COTL1: variants seen among roughly 807,000 people sequenced by gnomAD.
COTL1 encodes coactosin-like protein.
A neutral mutation model predicts 16.5 loss-of-function variants in COTL1; 15 were observed. The ratio of observed to expected loss-of-function variants is 0.91; its 90% CI spans 0.61 to 1.40. The LOEUF is 1.40. COTL1 is among the 40% of genes most tolerant of loss of function. COTL1 has a pLI of 0.00. For synonymous variants in COTL1, 112 were observed against 85.3 expected, an observed-to-expected ratio of 1.31 and a Z score of -1.73; for missense variants, 220 against 201.5, an observed-to-expected ratio of 1.09 and a Z score of -0.56.
At chr16:84,593,119 GC>G (rs1435913777) in intron 2 of COTL1, among the ~76,000 whole-genome samples, 1 of 152,244 alleles carries the variant, frequency 6.6e-6, no homozygotes, top group Non-Finnish European at 1.5e-5. Context: ...AGGCTCAGAG[GC>G]CACGTGATGT....
intron 2 of COTL1, chr16:84,595,529 C>G (rs1188409220): frequency 6.6e-6 from 1 of 152,208 alleles, no homozygotes; most frequent in Non-Finnish European, 1.5e-5. Context: ...TTCTTCATCC[C>G]TGGTTTAGTT....
In COTL1 at chr16:84,566,918, T is replaced by C. The variant is rs1567529108; in HGVS notation, c.356A>G (p.Glu119Gly). ...GCTCTTGATGAAATCTTCCTCCAGC[T>C]CCTTCCGATCACTGATCACAAACTC... ...AKEFVISDRK[E>G]LEEDFIKSEL... The change falls in exon 4 of 4, where the codon GAG becomes GGG. Residue 119 changes from glutamate (E) to glycine (G), a missense_variant. Glu to Gly is a moderately conservative substitution (Grantham distance 98). Transcript: ENST00000262428. 6.2e-7 allele frequency: 1 copy of C among 1,613,996 alleles called. No individual in the cohort carries two copies. Among genetic ancestry groups the C allele is most frequent in the Non-Finnish European group, 8.5e-7 (1 of 1,179,892 alleles).
chr16:84,582,833 T>G (rs1904629721), intron 3 of COTL1, among the ~76,000 whole-genome samples: 1 of 152,164 alleles, frequency 6.6e-6, no homozygotes, highest in South Asian at 2.1e-4. Flanking sequence ...CCCAAAGTCC[T>G]ACACCTGTGA....
chr16:84,567,819 A>G (rs1308266745), intron 3 of COTL1: 1 of 152,190 alleles, frequency 6.6e-6, no homozygotes, highest in East Asian at 1.9e-4. Context: ...GACACCCTTA[A>G]GCCATGATGA....
intron 3 of COTL1, among the ~76,000 whole-genome samples, chr16:84,588,571 C>G (rs569781641): frequency 7.2e-5 from 11 of 152,228 alleles, no homozygotes; most frequent in South Asian, 2.1e-4. Context: ...AGTGCAGTGG[C>G]GAGATCTTGG....
Position 84,590,789 on chromosome 16 carries a change from C to T in COTL1, c.161-527G>A, listed in dbSNP as rs1904842947. ...ACCAGAAATTCATCAACTCTTTTTG[C>T]CTCAATCTTTGCAGTTTGGAATGAG... On this transcript the variant is annotated intron_variant, in intron 2 of 3. Transcript: ENST00000262428. The surrounding 1 kb of genome is among the most constrained non-coding windows in gnomAD (Gnocchi z 5.5). Among the ~76,000 whole-genome samples, 1 of 152,070 alleles carries T rather than the reference C, an allele frequency of 6.6e-6. No homozygotes were observed. Among genetic ancestry groups the T allele is most frequent in the African/African-American group, 2.4e-5 (1 of 41,400 alleles).
At chr16:84,582,730 A>C (rs1330569705) in intron 3 of COTL1, among the ~76,000 whole-genome samples, 1 of 152,174 alleles carries the variant, frequency 6.6e-6, no homozygotes, top group East Asian at 1.9e-4. Context: ...TTTCACACCT[A>C]CTGCTTTTCT....
chr16:84,588,165 G>C (rs1479911470), intron 3 of COTL1, among the ~76,000 whole-genome samples: 2 of 152,064 alleles, frequency 1.3e-5, no homozygotes, highest in South Asian at 2.1e-4. Flanking sequence ...AGGAATGCTT[G>C]AGTCCAGGAA....
chr16:84,615,418 G>A (rs1239813826), intron 2 of COTL1, among the ~76,000 whole-genome samples: 1 of 152,226 alleles, frequency 6.6e-6, no homozygotes, highest in Admixed American at 6.5e-5. Flanking sequence ...AGGCCTGGGA[G>A]CACCTGCCAG....
At chr16:84,598,652 C>T (rs1401077183) in intron 2 of COTL1, among the ~76,000 whole-genome samples, 1 of 44,602 alleles carries the variant, frequency 2.2e-5, no homozygotes, top group African/African-American at 5.3e-5. Context: ...CCCTTCTCCC[C>T]CCCAACCCCC....
chr16:84,590,054 A>G lies in COTL1; in HGVS notation c.318+51T>C, dbSNP rs747376013. Reference sequence around the variant, plus strand: ...ACCCAGCCCTCTCCCTCCTTGCAGGATGGTGACCCTTGGCGAGCTTTGACC... The same window carrying G: ...ACCCAGCCCTCTCCCTCCTTGCAGGGTGGTGACCCTTGGCGAGCTTTGACC... On this transcript the variant is annotated intron_variant, in intron 3 of 3. Transcript: ENST00000262428. This position sits in a 1 kb window ranked among gnomAD's most constrained non-coding sequence, Gnocchi z 5.5. The G allele has an allele frequency of 6.4e-7, 1 of 1,567,498 alleles. No individual in the cohort carries two copies. The highest frequency in any genetic ancestry group is 2.3e-5 in the East Asian group (1 of 44,086).
Position 84,566,021 on chromosome 16 carries a change from G to C in COTL1, c.*824C>G, listed in dbSNP as rs1164271629. ...CTCTCCCTAACGATCTTGTCGCTTT[G>C]GGAGCCCCTGAAGTGAACCCTGAAA... On this transcript the variant is annotated 3_prime_UTR_variant, in exon 4 of 4. Transcript: ENST00000262428. 1 of 152,602 alleles carries C rather than the reference G, an allele frequency of 6.6e-6. No individual in the cohort carries two copies. The highest frequency in any genetic ancestry group is 2.4e-5 in the African/African-American group (1 of 41,438). 9.5% of individuals were successfully genotyped at this position (152,602 alleles called of 1,614,324 possible). A position where few individuals can be genotyped will look rare whatever the true frequency, so the allele number is the denominator to read the frequency against.
intron 3 of COTL1, among the ~76,000 whole-genome samples, chr16:84,573,833 T>C (rs1285196194): frequency 6.6e-6 from 1 of 151,898 alleles, no homozygotes; most frequent in Non-Finnish European, 1.5e-5. Flanking sequence ...CGTTTTACTC[T>C]ATGTAAATTG....
At chr16:84,576,064 T>C (rs552536030) in intron 3 of COTL1, 1 of 152,322 alleles carries the variant, frequency 6.6e-6, no homozygotes, top group African/African-American at 2.4e-5. Flanking sequence ...CCTCTTCTCA[T>C]TCCTAACGTT....
chr16:84,590,336 GT>G lies in COTL1; in HGVS notation c.161-75del. On this transcript the variant is annotated intron_variant, in intron 2 of 3. Coordinates refer to ENST00000262428, the MANE Select transcript of COTL1 (RefSeq NM_021149.5). This position sits in a 1 kb window ranked among gnomAD's most constrained non-coding sequence, Gnocchi z 5.5. ...CATGTCATGTCCCTGGGGAGAGGCTGTGAGCCACGAGTGCGCCTGGAGCAGC... is the reference window on the plus strand; with the variant it reads ...CATGTCATGTCCCTGGGGAGAGGCTGGAGCCACGAGTGCGCCTGGAGCAGC... 6.4e-7 allele frequency: 1 copy of G among 1,553,436 alleles called. No homozygotes were observed. Among genetic ancestry groups the G allele is most frequent in the Non-Finnish European group, 8.8e-7 (1 of 1,141,086 alleles).
intron 3 of COTL1, chr16:84,576,811 T>A (rs953291132): frequency 6.6e-6 from 1 of 152,234 alleles, no homozygotes; most frequent in Non-Finnish European, 1.5e-5. Flanking sequence ...GCTCTCACAA[T>A]GAAGGCTGCC....
At chr16:84,582,141 C>T (rs1322451378) in intron 3 of COTL1, among the ~76,000 whole-genome samples, 1 of 151,856 alleles carries the variant, frequency 6.6e-6, no homozygotes, top group African/African-American at 2.4e-5. Flanking sequence ...ATTACAGGCA[C>T]ATGCCACCAT....
intron 3 of COTL1, chr16:84,567,218 A>G: frequency 2.6e-6 from 1 of 380,952 alleles, no homozygotes; most frequent in Non-Finnish European, 4.8e-6. Flanking sequence ...GTCCGTGGGG[A>G]TGGCCCGAGG....
intron 2 of COTL1, among the ~76,000 whole-genome samples, chr16:84,609,734 T>C (rs902150054): frequency 3.9e-5 from 6 of 152,166 alleles, no homozygotes. Flanking sequence ...GTTTTGGTGA[T>C]AGTTCTCACA....
Sources: allele counts gnomAD v4.1 joint callset (sites outside exome capture counted in the v4.1 genomes callset), GRCh38; gene constraint gnomAD v4.1.1; non-coding constraint Gnocchi (gnomAD v3.1); transcripts MANE v1.5; gene names NCBI Gene and HGNC (gene_info 2026-07-23, HGNC 2026-07-21).